RAD51B: variants seen among roughly 807,000 people sequenced by gnomAD.
The protein encoded by RAD51B is RAD51 paralog B, also known as DNA repair protein RAD51 homolog 2.
A neutral mutation model predicts 42.2 loss-of-function variants in RAD51B; 38 were observed. The observed-to-expected ratio is 0.90, with a 90% CI of 0.70 to 1.18. RAD51B has a LOEUF of 1.18. RAD51B is among the 50% of genes most tolerant of loss of function. RAD51B has a pLI of 0.00. For missense variants in RAD51B, 373 were observed against 400.7 expected (o/e 0.93, Z 0.59); for synonymous variants, 154 against 145.2 (o/e 1.06, Z -0.43).
chr14:68,219,297 T>C (rs2079877612), intron 7 of RAD51B, among the ~76,000 whole-genome samples: 1 of 152,248 alleles, frequency 6.6e-6, no homozygotes, highest in Non-Finnish European at 1.5e-5. Context: ...TTCCATAGCA[T>C]TTCTTTTCTT....
intron 10 of RAD51B, among the ~76,000 whole-genome samples, chr14:68,626,513 T>C (rs763019279): frequency 6.6e-6 from 1 of 152,208 alleles, no homozygotes; most frequent in Non-Finnish European, 1.5e-5. Flanking sequence ...CATCTGAAGG[T>C]TCTACTGAGC....
intron 10 of RAD51B, among the ~76,000 whole-genome samples, chr14:68,564,826 C>T (rs1889343290): frequency 6.6e-6 from 1 of 152,216 alleles, no homozygotes; most frequent in Admixed American, 6.5e-5. Context: ...GTCGCAGAGA[C>T]ACACTCAACA....
chr14:68,053,526 T>C (rs748035927), intron 7 of RAD51B, among the ~76,000 whole-genome samples: 4 of 152,154 alleles, frequency 2.6e-5, no homozygotes, highest in Non-Finnish European at 5.9e-5. Flanking sequence ...ATAAATTGCC[T>C]GGGTGAATAA....
intron 11 of RAD51B, among the ~76,000 whole-genome samples, chr14:68,673,703 A>G (rs111174105): frequency 1.3e-5 from 2 of 152,144 alleles, no homozygotes; most frequent in African/African-American, 2.4e-5. Context: ...ACACATACAC[A>G]TACTGTACAC....
At chr14:68,058,944 A>G (rs562544618) in intron 7 of RAD51B, among the ~76,000 whole-genome samples, 1 of 152,304 alleles carries the variant, frequency 6.6e-6, no homozygotes, top group East Asian at 1.9e-4. Flanking sequence ...ATGTCATACA[A>G]GAGACATCAA....
At chr14:68,594,038 G>T (rs1890874461) in intron 10 of RAD51B, among the ~76,000 whole-genome samples, 1 of 152,222 alleles carries the variant, frequency 6.6e-6, no homozygotes, top group Non-Finnish European at 1.5e-5. Flanking sequence ...CTGGGCAGGG[G>T]TGTCTGATGA....
chr14:68,081,333 A>T (rs2076908898), intron 7 of RAD51B, among the ~76,000 whole-genome samples: 1 of 152,110 alleles, frequency 6.6e-6, no homozygotes, highest in African/African-American at 2.4e-5. Context: ...TCCTCCTCGC[A>T]TGTGCAAGTA....
At chr14:68,259,167 G>A (rs2080821418) in intron 7 of RAD51B, among the ~76,000 whole-genome samples, 1 of 152,190 alleles carries the variant, frequency 6.6e-6, no homozygotes, top group Non-Finnish European at 1.5e-5. Context: ...CTTCCACAAA[G>A]CTCTGCCCTG....
At chr14:68,317,321 G>A (rs2082081760) in intron 8 of RAD51B, among the ~76,000 whole-genome samples, 1 of 101,540 alleles carries the variant, frequency 9.8e-6, no homozygotes, top group African/African-American at 4.1e-5. Context: ...TTATTTACGT[G>A]CCCTCTCATT....
In RAD51B at chr14:67,885,883, C is replaced by T. The variant is rs1333391624; in HGVS notation, c.467C>T (p.Ala156Val). 1.9e-6 allele frequency: 3 copies of T among 1,608,000 alleles called. No individual in the cohort carries two copies. The highest frequency in any genetic ancestry group is 2.7e-5 in the African/African-American group (2 of 74,766). Residue 156 changes from alanine (A) to valine (V), a missense_variant, in exon 6 of 11, where the codon GCA (alanine) becomes GTA (valine). Transcript: ENST00000471583. ...AFSAERLVEI[A>V]ESRFPRYFNT... ...TTCACCCACAGACTGGTTGAAATAG[C>T]AGAATCCCGTTTTCCCAGATATTTT...
At chr14:68,127,656 TAC>T (rs1566665836) in intron 7 of RAD51B, among the ~76,000 whole-genome samples, 1 of 65,476 alleles carries the variant, frequency 1.5e-5, no homozygotes, top group Non-Finnish European at 3.0e-5. Flanking sequence ...CACACACACA[TAC>T]ACACAGTAAT....
intron 10 of RAD51B, among the ~76,000 whole-genome samples, chr14:68,591,731 G>T (rs1890750050): frequency 6.6e-6 from 1 of 152,154 alleles, no homozygotes; most frequent in Non-Finnish European, 1.5e-5. Flanking sequence ...TGTTGCTAAG[G>T]AGTGGTGGGG....
chr14:68,391,012 T>G (rs2083735501), intron 8 of RAD51B, among the ~76,000 whole-genome samples: 2 of 152,246 alleles, frequency 1.3e-5, no homozygotes, highest in Admixed American at 1.3e-4. Context: ...TTTGGCATTT[T>G]ATCTAATCAG....
chr14:67,840,821 T>TG (rs1171255381), intron 4 of RAD51B, among the ~76,000 whole-genome samples: 1 of 144,606 alleles, frequency 6.9e-6, no homozygotes. Context: ...TTTTTTTTTT[T>TG]GGGACAGAGT....
intron 10 of RAD51B, among the ~76,000 whole-genome samples, chr14:68,555,063 GT>G: frequency 6.6e-6 from 1 of 152,204 alleles, no homozygotes. Context: ...GGCCAGGCTA[GT>G]CTCCAACTCC....
intron 8 of RAD51B, among the ~76,000 whole-genome samples, chr14:68,300,563 A>G (rs1405481363): frequency 6.6e-6 from 1 of 152,202 alleles, no homozygotes; most frequent in Non-Finnish European, 1.5e-5. Context: ...AGTCCATGCC[A>G]TCAAGCCAAT....
intron 7 of RAD51B, among the ~76,000 whole-genome samples, chr14:68,140,834 G>A (rs571046754): frequency 6.6e-6 from 1 of 152,284 alleles, no homozygotes; most frequent in South Asian, 2.1e-4. Flanking sequence ...TGTTTTATTA[G>A]TCTAGAGGTT....
intron 10 of RAD51B, among the ~76,000 whole-genome samples, chr14:68,634,851 A>T (rs1311305550): frequency 6.6e-6 from 1 of 152,172 alleles, no homozygotes; most frequent in East Asian, 1.9e-4. Flanking sequence ...TGGACAGAGT[A>T]TGAGGGAGGA....
intron 7 of RAD51B, among the ~76,000 whole-genome samples, chr14:68,221,388 ATACT>A (rs1395536030): frequency 1.3e-5 from 2 of 152,204 alleles, no homozygotes; most frequent in South Asian, 2.1e-4. Context: ...ATAAAGACAA[ATACT>A]TACAGCCAAC....
Sources: gnomAD v4.1 joint callset for allele counts (sites outside exome capture counted in the v4.1 genomes callset) on GRCh38, gnomAD v4.1.1 for gene constraint, MANE v1.5 for transcripts, NCBI Gene and HGNC (gene_info 2026-07-23, HGNC 2026-07-21) for gene names.